RAB11FIP4: variants seen among roughly 807,000 people sequenced by gnomAD.
RAB11FIP4 encodes RAB11 family interacting protein 4.
In RAB11FIP4, 23 loss-of-function variants were observed where a neutral mutation model predicts 74.3. That is an observed-to-expected ratio of 0.31 (90% CI 0.22 to 0.44). The LOEUF (loss-of-function observed/expected upper bound fraction) is 0.44, where lower values mean the gene tolerates loss of function less well. Ranked by LOEUF, RAB11FIP4 falls within the 20% of genes least tolerant of loss-of-function variation. RAB11FIP4 has a pLI of 1.00. For synonymous variants in RAB11FIP4, 360 were observed against 359.9 expected (o/e 1.00, Z 0.00); for missense variants, 630 against 863.9 (o/e 0.73, Z 3.39).
intron 3 of RAB11FIP4, among the ~76,000 whole-genome samples, chr17:31,458,754 C>T (rs959628780): frequency 6.6e-6 from 1 of 152,212 alleles, no homozygotes; most frequent in Non-Finnish European, 1.5e-5. Flanking sequence ...GCATCTTTGT[C>T]ACATTAGTGA....
chr17:31,420,631 A>G (rs1398153183), intron 1 of RAB11FIP4, among the ~76,000 whole-genome samples: 2 of 151,344 alleles, frequency 1.3e-5, no homozygotes, highest in African/African-American at 4.9e-5. Context: ...AAAAAAAACC[A>G]GATTTGGGTT....
chr17:31,521,459 T>C, intron 5 of RAB11FIP4, 99 bp downstream of exon 5: 1 of 1,057,050 alleles, frequency 9.5e-7, no homozygotes, highest in Non-Finnish European at 1.3e-6. Context: ...GAGCTGGCCC[T>C]TTTCCTTTGT....
Position 31,533,761 on chromosome 17 carries a change from T to G in RAB11FIP4, c.*2029T>G, listed in dbSNP as rs1171659156. 1 of 152,242 alleles carries G rather than the reference T, an allele frequency of 6.6e-6. No individual in the cohort carries two copies. Among genetic ancestry groups the G allele is most frequent in the East Asian group, 1.9e-4 (1 of 5,186 alleles). 9.4% of individuals were successfully genotyped at this position (152,242 alleles called of 1,614,324 possible). A position where few individuals can be genotyped will look rare whatever the true frequency, so the allele number is the denominator to read the frequency against. On this transcript the variant is annotated 3_prime_UTR_variant, in exon 15 of 15. Transcript: ENST00000621161. ...CACGGGAAAGGTGGGCGGAAGCAGC[T>G]GGCAGCCTGGGGCGTGCTTCAGGCT...
intron 3 of RAB11FIP4, among the ~76,000 whole-genome samples, chr17:31,480,793 C>CAAAAAA (rs36097331): frequency 1.4e-5 from 1 of 73,838 alleles, no homozygotes; most frequent in Non-Finnish European, 2.6e-5. Context: ...GACTCCGTCT[C>CAAAAAA]AAAAAAAAAA....
intron 3 of RAB11FIP4, among the ~76,000 whole-genome samples, chr17:31,468,990 G>A (rs568632544): frequency 6.6e-6 from 1 of 152,328 alleles, no homozygotes; most frequent in African/African-American, 2.4e-5. Context: ...TGATAGGACT[G>A]TGAGGGATTA....
chr17:31,458,586 C>T (rs1441360154), intron 3 of RAB11FIP4, among the ~76,000 whole-genome samples: 1 of 152,170 alleles, frequency 6.6e-6, no homozygotes, highest in Non-Finnish European at 1.5e-5. Context: ...CTTCTCTGCA[C>T]GGGAGCCTGG....
chr17:31,409,167 C>A (rs1165914820), intron 1 of RAB11FIP4, among the ~76,000 whole-genome samples: 1 of 152,162 alleles, frequency 6.6e-6, no homozygotes, highest in Non-Finnish European at 1.5e-5. Context: ...AGGACCCCAT[C>A]ATCCTTTCCT....
chr17:31,504,919 G>A (rs1178703583), intron 3 of RAB11FIP4, among the ~76,000 whole-genome samples: 3 of 152,188 alleles, frequency 2.0e-5, no homozygotes, highest in Non-Finnish European at 4.4e-5. Flanking sequence ...TTAGAAATGC[G>A]TTTTCTTCCA....
At chr17:31,521,463 C>T in intron 5 of RAB11FIP4, 103 bp downstream of exon 5, 1 of 1,025,144 alleles carries the variant, frequency 9.8e-7, no homozygotes, top group Non-Finnish European at 1.4e-6. Context: ...TGGCCCTTTT[C>T]CTTTGTCCTC....
At chr17:31,433,760 G>T (rs887242804) in intron 2 of RAB11FIP4, among the ~76,000 whole-genome samples, 22 of 152,214 alleles carry the variant, frequency 1.4e-4, no homozygotes, top group African/African-American at 5.3e-4. Context: ...CCCCCAGGAA[G>T]GCCTCCTTCC....
chr17:31,487,770 A>T (rs902157841), intron 3 of RAB11FIP4, among the ~76,000 whole-genome samples: 1 of 151,892 alleles, frequency 6.6e-6, no homozygotes, highest in African/African-American at 2.4e-5. Context: ...GCGAGCTCAC[A>T]CGCCGACTCC....
chr17:31,517,217 G>C (rs1194599809), intron 3 of RAB11FIP4, among the ~76,000 whole-genome samples: 1 of 131,486 alleles, frequency 7.6e-6, no homozygotes, highest in African/African-American at 2.7e-5. Context: ...GGGGGGGGCG[G>C]GGGGGAAGGG....
At chr17:31,443,748 GA>G (rs5819940) in intron 3 of RAB11FIP4, among the ~76,000 whole-genome samples, 3 of 150,362 alleles carry the variant, frequency 2.0e-5, no homozygotes, top group African/African-American at 4.9e-5. Context: ...CATCTTTACT[GA>G]AAAAAAAAGA....
chr17:31,485,093 C>T (rs921957191), intron 3 of RAB11FIP4, among the ~76,000 whole-genome samples: 1 of 152,192 alleles, frequency 6.6e-6, no homozygotes, highest in African/African-American at 2.4e-5. Flanking sequence ...AGGCATTGCA[C>T]TAGACACTTT....
chr17:31,531,867 G>T lies in RAB11FIP4; in HGVS notation c.*135G>T. 1.5e-6 allele frequency: 1 copy of T among 675,202 alleles called. No homozygotes were observed. The highest frequency in any genetic ancestry group is 2.6e-6 in the Non-Finnish European group (1 of 379,836). The allele number at this position is 675,202 out of a possible 1,614,324, so 41.8% of individuals were successfully genotyped here. A position where few individuals can be genotyped will look rare whatever the true frequency, so the allele number is the denominator to read the frequency against. ...TGGCCACCATGCGTTACGTGTACCC[G>T]TGTATATGTGGGGAGGCTGTGCACA... On this transcript the variant is annotated 3_prime_UTR_variant, in exon 15 of 15. Coordinates refer to ENST00000621161, the MANE Select transcript of RAB11FIP4 (RefSeq NM_032932.6).
chr17:31,491,531 G>A (rs1441833625), intron 3 of RAB11FIP4, among the ~76,000 whole-genome samples: 6 of 152,198 alleles, frequency 3.9e-5, no homozygotes, highest in Non-Finnish European at 8.8e-5. Context: ...ACATCCAAAC[G>A]AAAGAGGTTC....
At chr17:31,521,134 C>T (rs770132132) in intron 4 of RAB11FIP4, 32 bp from the exon 5 acceptor site, 1 of 1,489,416 alleles carries the variant, frequency 6.7e-7, no homozygotes, top group African/African-American at 1.4e-5. Flanking sequence ...CCCATGAGTC[C>T]TCCTCTGACT....
In RAB11FIP4 at chr17:31,479,012, A is replaced by G. The variant is rs116795816; in HGVS notation, c.337-38639A>G. On this transcript the variant is annotated intron_variant, in intron 3 of 14. Transcript: ENST00000621161. ...CCAGTGATGCAACAAGAGAGGCAGA[A>G]GGGAGTCCTGAACGTGGGCCAGATC... Among the ~76,000 whole-genome samples, 163 of 152,362 alleles carry G rather than the reference A, an allele frequency of 1.1e-3. 1 individual carries two copies. The highest frequency in any genetic ancestry group is 3.9e-3 in the Admixed American group (60 of 15,306).
chr17:31,523,531 A>T lies in RAB11FIP4; in HGVS notation c.949A>T (p.Asn317Tyr). Residue 317 changes from asparagine to tyrosine, a missense_variant, in exon 8 of 15, where the codon AAC (asparagine) becomes TAC (tyrosine). Physicochemically the swap from Asn to Tyr is moderately radical, Grantham distance 143. Transcript: ENST00000621161. The stretch of plus-strand genomic sequence containing the variant: ...CTGCAGGCAGCTCATGCACAGCAGC[A>T]ACTTCAGCAGCAGCAATGGCAGCAC... ...AFGRQLMHSSNFSSSNGSTED... is the reference protein window; with the variant it reads ...AFGRQLMHSSYFSSSNGSTED... 6.2e-7 allele frequency: 1 copy of T among 1,614,076 alleles called. No homozygotes were observed. The highest frequency in any genetic ancestry group is 8.5e-7 in the Non-Finnish European group (1 of 1,179,986).
Sources: gnomAD v4.1 joint callset for allele counts (sites outside exome capture counted in the v4.1 genomes callset) on GRCh38, gnomAD v4.1.1 for gene constraint, MANE v1.5 for transcripts, NCBI Gene and HGNC (gene_info 2026-07-23, HGNC 2026-07-21) for gene names.